The following NXPE2 variants were observed in gnomAD, a reference collection of about 807,000 sequenced individuals.
The protein encoded by NXPE2 is NXPE family member 2.
In NXPE2, 34 loss-of-function variants were observed where a neutral mutation model predicts 34.4. That is an observed-to-expected ratio of 0.99 (90% CI 0.75 to 1.31). NXPE2 has a LOEUF of 1.31. Ranked by LOEUF, NXPE2 falls within the 40% of genes most tolerant of loss-of-function variation. The pLI is 0.00. For synonymous variants in NXPE2, 235 were observed against 231.3 expected, an observed-to-expected ratio of 1.02 and a Z score of -0.15; for missense variants, 649 against 672.5, an observed-to-expected ratio of 0.97 and a Z score of 0.39.
the NXPE2 span, among the ~76,000 whole-genome samples, chr11:114,628,079 T>C: frequency 2.0e-5 from 3 of 149,164 alleles, no homozygotes; most frequent in East Asian, 3.9e-4. Context: ...TGGGAGACTT[T>C]AACACCCCAC....
chr11:114,738,490 A>T, the NXPE2 span, among the ~76,000 whole-genome samples: 3 of 152,222 alleles, frequency 2.0e-5, no homozygotes, highest in South Asian at 6.2e-4. Context: ...AGCAATTGGG[A>T]TATGCCTGGG....
chr11:114,468,868 A>C, the NXPE2 span, among the ~76,000 whole-genome samples: 1 of 152,204 alleles, frequency 6.6e-6, no homozygotes, highest in Non-Finnish European at 1.5e-5. Context: ...TGGAGACTCC[A>C]GGCCAAAGGG....
chr11:114,589,983 G>C, the NXPE2 span, among the ~76,000 whole-genome samples: 2 of 152,160 alleles, frequency 1.3e-5, no homozygotes, highest in Non-Finnish European at 2.9e-5. Context: ...TAGATTTAAA[G>C]GATGCCTTTT....
the NXPE2 span, among the ~76,000 whole-genome samples, chr11:114,465,505 C>G: frequency 6.6e-6 from 1 of 152,104 alleles, no homozygotes; most frequent in Non-Finnish European, 1.5e-5. Flanking sequence ...GCATCAAAAT[C>G]AGGATAGTGG....
the NXPE2 span, among the ~76,000 whole-genome samples, chr11:114,752,576 G>T: frequency 6.6e-6 from 1 of 152,080 alleles, no homozygotes; most frequent in African/African-American, 2.4e-5. Flanking sequence ...AAAAGAGGAG[G>T]TGCTAAAGGG....
At chr11:114,734,760 C>T in the NXPE2 span, among the ~76,000 whole-genome samples, 5 of 152,142 alleles carry the variant, frequency 3.3e-5, no homozygotes, top group African/African-American at 9.7e-5. Context: ...AAAGTAAGTA[C>T]ATGTTCCTAG....
the NXPE2 span, among the ~76,000 whole-genome samples, chr11:114,468,173 T>G: frequency 6.6e-6 from 1 of 151,866 alleles, no homozygotes; most frequent in Admixed American, 6.6e-5. Flanking sequence ...CATTATATTT[T>G]AAGAAAGTTT....
chr11:114,603,033 G>A, the NXPE2 span, among the ~76,000 whole-genome samples: 67 of 150,162 alleles, frequency 4.5e-4, no homozygotes, highest in South Asian at 8.4e-4. Context: ...TATATAATAC[G>A]GAACCGTATA....
the NXPE2 span, among the ~76,000 whole-genome samples, chr11:114,740,536 C>G: frequency 1.3e-5 from 2 of 151,958 alleles, no homozygotes; most frequent in African/African-American, 2.4e-5. Flanking sequence ...TTTGAGCACT[C>G]TCTATGCTTT....
upstream of NXPE2, among the ~76,000 whole-genome samples, chr11:114,677,724 A>G (rs566970305): frequency 4.8e-4 from 73 of 152,176 alleles, no homozygotes; most frequent in African/African-American, 1.7e-3. Context: ...ACACATATCT[A>G]TGAAGTATAC....
the NXPE2 span, among the ~76,000 whole-genome samples, chr11:114,480,420 A>G: frequency 0.011 from 1,737 of 152,258 alleles, 18 homozygotes; most frequent in Non-Finnish European, 0.019. Flanking sequence ...TTTCTTTCCT[A>G]TTGTGTTTGC....
chr11:114,734,884 G>A, the NXPE2 span, among the ~76,000 whole-genome samples: 20 of 152,192 alleles, frequency 1.3e-4, no homozygotes, highest in South Asian at 4.1e-4. Flanking sequence ...CGAGGCGGGC[G>A]GATCACAAGG....
chr11:114,678,399 G>T, upstream of NXPE2: 1 of 550,388 alleles, frequency 1.8e-6, no homozygotes, highest in Non-Finnish European at 3.3e-6. Context: ...GGTTGGGCAG[G>T]AACAGATCAT....
At chr11:114,542,548 A>G in the NXPE2 span, among the ~76,000 whole-genome samples, 22 of 152,332 alleles carry the variant, frequency 1.4e-4, no homozygotes, top group South Asian at 4.3e-3. Context: ...GATACAGTAC[A>G]ACTATAAAAA....
chr11:114,481,192 G>A, the NXPE2 span, among the ~76,000 whole-genome samples: 1 of 152,148 alleles, frequency 6.6e-6, no homozygotes, highest in African/African-American at 2.4e-5. Flanking sequence ...GCTTAAAACT[G>A]TGATGTAATA....
chr11:114,667,169 T>C, the NXPE2 span, among the ~76,000 whole-genome samples: 1 of 152,156 alleles, frequency 6.6e-6, no homozygotes, highest in African/African-American at 2.4e-5. Flanking sequence ...CAGGTCCTGA[T>C]TGACAGAGAG....
the NXPE2 span, among the ~76,000 whole-genome samples, chr11:114,770,175 A>G: frequency 6.6e-6 from 1 of 152,154 alleles, no homozygotes; most frequent in Non-Finnish European, 1.5e-5. Context: ...CAGTCATGTT[A>G]CCCCTAAACT....
chr11:114,719,942 A>C, the NXPE2 span, among the ~76,000 whole-genome samples: 277 of 152,326 alleles, frequency 1.8e-3, 2 homozygotes, highest in African/African-American at 5.4e-3. Flanking sequence ...ACCCAGCTCA[A>C]GTGCCTGGAC....
the NXPE2 span, among the ~76,000 whole-genome samples, chr11:114,489,969 A>C: frequency 6.6e-6 from 1 of 152,228 alleles, no homozygotes; most frequent in African/African-American, 2.4e-5. Context: ...CCGTCGTCTC[A>C]GCCCAAAATC....
Sources: gnomAD v4.1 joint callset for allele counts (sites outside exome capture counted in the v4.1 genomes callset) on GRCh38, gnomAD v4.1.1 for gene constraint, MANE v1.5 for transcripts, NCBI Gene and HGNC (gene_info 2026-07-23, HGNC 2026-07-21) for gene names.